The following IGFL2 variants were observed in gnomAD, a reference collection of about 807,000 sequenced individuals.
IGFL2 encodes insulin growth factor-like family member 2.
Under a neutral mutation model 13.9 loss-of-function variants are expected in IGFL2, and 7 were observed. That is an observed-to-expected ratio of 0.51 (90% CI 0.29 to 0.95). IGFL2 has a LOEUF of 0.95. Ranked by LOEUF, IGFL2 falls within the 40% of genes least tolerant of loss-of-function variation. The probability of loss-of-function intolerance (pLI) is 0.08; values close to 1 mark genes in which losing one functional copy is unlikely to be tolerated. For synonymous variants in IGFL2, 55 were observed against 55.8 expected, an observed-to-expected ratio of 0.99 and a Z score of 0.07; for missense variants, 138 against 147.8, an observed-to-expected ratio of 0.93 and a Z score of 0.34.
At chr19:46,137,565 T>A in the IGFL2 span, 1 of 1,024,588 alleles carries the variant, frequency 9.8e-7, no homozygotes, top group Non-Finnish European at 1.5e-6. Flanking sequence ...TCATCCTCCG[T>A]CTCACTGCCA....
downstream of IGFL2, among the ~76,000 whole-genome samples, chr19:46,162,506 T>C (rs1600954230): frequency 2.0e-5 from 3 of 152,334 alleles, no homozygotes; most frequent in South Asian, 6.2e-4. Flanking sequence ...TTTTTATTTT[T>C]CTTTATTTTT....
the IGFL2 span, among the ~76,000 whole-genome samples, chr19:46,181,797 C>A: frequency 1.3e-5 from 2 of 152,168 alleles, no homozygotes; most frequent in African/African-American, 4.8e-5. Context: ...TAACAAAAGT[C>A]TTTGCAACAA....
chr19:46,164,847 A>G (rs1244207344), downstream of IGFL2, among the ~76,000 whole-genome samples: 2 of 152,218 alleles, frequency 1.3e-5, no homozygotes, highest in South Asian at 2.1e-4. Flanking sequence ...CACTTCGTGA[A>G]CAGAGGATGG....
intron 1 of IGFL2, chr19:46,160,040 C>G (rs1974059458): frequency 3.5e-6 from 1 of 283,918 alleles, no homozygotes; most frequent in Non-Finnish European, 6.7e-6. Flanking sequence ...ATCCTGCACC[C>G]CAGTTCTCCA....
At chr19:46,208,741 T>C in the IGFL2 span, 1 of 152,144 alleles carries the variant, frequency 6.6e-6, no homozygotes, top group African/African-American at 2.4e-5. Flanking sequence ...TCTCTTTCTC[T>C]CCTGCCACCA....
At chr19:46,116,720 A>C in the IGFL2 span, among the ~76,000 whole-genome samples, 1,643 of 152,290 alleles carry the variant, frequency 0.011, 22 homozygotes, top group African/African-American at 0.036. Context: ...GTGTGCATTT[A>C]TTTGATACAA....
the IGFL2 span, among the ~76,000 whole-genome samples, chr19:46,085,689 A>C: frequency 6.6e-6 from 1 of 152,074 alleles, no homozygotes; most frequent in African/African-American, 2.4e-5. Context: ...TGTTATGTAG[A>C]CCTGATTGTA....
At chr19:46,103,036 C>T in the IGFL2 span, among the ~76,000 whole-genome samples, 51 of 152,196 alleles carry the variant, frequency 3.4e-4, no homozygotes, top group Admixed American at 1.7e-3. Context: ...AAACAGAAGA[C>T]ACAAGGTCCA....
the IGFL2 span, chr19:46,124,072 C>T: frequency 3.1e-6 from 5 of 1,611,624 alleles, 1 homozygote; most frequent in East Asian, 4.5e-5. Context: ...ATCATCATAA[C>T]AGCACTGCTC....
At chr19:46,157,333 A>G (rs996507698) in intron 1 of IGFL2, among the ~76,000 whole-genome samples, 8 of 152,158 alleles carry the variant, frequency 5.3e-5, no homozygotes, top group Non-Finnish European at 8.8e-5. Context: ...GACAACAACA[A>G]AGCAATGAAA....
upstream of IGFL2, chr19:46,148,161 G>A (rs1477838829): frequency 4.9e-6 from 4 of 813,992 alleles, no homozygotes; most frequent in Non-Finnish European, 7.8e-6. Flanking sequence ...CTTTCCAAGA[G>A]GCCAGTGCTT....
chr19:46,159,304 G>C (rs1974005636), intron 1 of IGFL2: 1 of 152,204 alleles, frequency 6.6e-6, no homozygotes, highest in Non-Finnish European at 1.5e-5. Flanking sequence ...GTGTTTAGTA[G>C]AAGGGGGATT....
At chr19:46,121,515 GT>G in the IGFL2 span, among the ~76,000 whole-genome samples, 2 of 150,516 alleles carry the variant, frequency 1.3e-5, no homozygotes, top group African/African-American at 4.9e-5. Flanking sequence ...ACTGAGAGGA[GT>G]AGTATTTTCT....
chr19:46,181,739 G>A, the IGFL2 span, among the ~76,000 whole-genome samples: 1 of 152,180 alleles, frequency 6.6e-6, no homozygotes, highest in East Asian at 1.9e-4. Context: ...TTGGAGAGAC[G>A]GGTTTGAGGA....
the IGFL2 span, among the ~76,000 whole-genome samples, chr19:46,092,951 G>A: frequency 6.6e-6 from 1 of 152,166 alleles, no homozygotes; most frequent in East Asian, 1.9e-4. Context: ...AACCAGAAAA[G>A]TGACAATTTA....
At chr19:46,146,023 C>T (rs1973118787), upstream of IGFL2, among the ~76,000 whole-genome samples, 1 of 152,092 alleles carries the variant, frequency 6.6e-6, no homozygotes, top group South Asian at 2.1e-4. Context: ...ATGGATAATG[C>T]TTTTGATGTC....
chr19:46,084,322 G>A, the IGFL2 span, among the ~76,000 whole-genome samples: 2 of 152,168 alleles, frequency 1.3e-5, no homozygotes, highest in African/African-American at 2.4e-5. Context: ...CTAGAGTATA[G>A]TTTGAATCTG....
At chr19:46,160,983 G>GT in intron 3 of IGFL2, 87 bp from the exon 4 acceptor site, 1 of 1,539,608 alleles carries the variant, frequency 6.5e-7, no homozygotes, top group African/African-American at 1.4e-5. Context: ...CCCTGGCCCT[G>GT]TAGTCTAATC....
At chr19:46,153,839 A>AT (rs1555744721) in intron 1 of IGFL2, among the ~76,000 whole-genome samples, 219 of 139,346 alleles carry the variant, frequency 1.6e-3, no homozygotes, top group Middle Eastern at 7.4e-3. Flanking sequence ...ATATATATAT[A>AT]TTTTTTTTAC....
Sources: gnomAD v4.1 joint callset for allele counts (sites outside exome capture counted in the v4.1 genomes callset) on GRCh38, gnomAD v4.1.1 for gene constraint, MANE v1.5 for transcripts, NCBI Gene and HGNC (gene_info 2026-07-23, HGNC 2026-07-21) for gene names.